The following TBC1D22B variants were observed in gnomAD, a reference collection of about 807,000 sequenced individuals.
TBC1D22B encodes chromosome 6 open reading frame 197.
A neutral mutation model predicts 69.1 loss-of-function variants in TBC1D22B; 32 were observed. That is an observed-to-expected ratio of 0.46 (90% CI 0.35 to 0.62). TBC1D22B has a LOEUF of 0.62. TBC1D22B is among the 20% of genes least tolerant of loss of function. The pLI, the probability that TBC1D22B is intolerant of heterozygous loss-of-function variation, is 0.00. For missense variants in TBC1D22B, 462 were observed against 630.9 expected, an observed-to-expected ratio of 0.73 and a Z score of 2.87; for synonymous variants, 206 against 229.8, an observed-to-expected ratio of 0.90 and a Z score of 0.94.
intron 8 of TBC1D22B, among the ~76,000 whole-genome samples, chr6:37,312,047 C>T (rs773365232): frequency 2.0e-5 from 3 of 152,240 alleles, no homozygotes; most frequent in Non-Finnish European, 4.4e-5. Flanking sequence ...CAGATTCTCA[C>T]TCCTGTTACT....
intron 8 of TBC1D22B, among the ~76,000 whole-genome samples, chr6:37,303,281 TCTC>T (rs767616270): frequency 3.9e-5 from 6 of 152,192 alleles, no homozygotes; most frequent in African/African-American, 7.2e-5. Context: ...GTTTGGCTCT[TCTC>T]CTTCCCTTAC....
At chr6:37,329,555 T>C (rs1266425986) in intron 12 of TBC1D22B, among the ~76,000 whole-genome samples, 2 of 152,230 alleles carry the variant, frequency 1.3e-5, no homozygotes, top group African/African-American at 4.8e-5. Context: ...TTGATAGATA[T>C]GGTATGTATT....
At chr6:37,287,390 A>G (rs1210496012) in intron 7 of TBC1D22B, among the ~76,000 whole-genome samples, 4 of 152,230 alleles carry the variant, frequency 2.6e-5, no homozygotes, top group African/African-American at 9.7e-5. Flanking sequence ...AAATTGTGGT[A>G]AAATATACAT....
intron 8 of TBC1D22B, among the ~76,000 whole-genome samples, chr6:37,304,630 G>A (rs1235367434): frequency 6.6e-6 from 1 of 152,090 alleles, no homozygotes; most frequent in African/African-American, 2.4e-5. Flanking sequence ...GGTGGGAGGT[G>A]GGCTGAGAAT....
intron 5 of TBC1D22B, among the ~76,000 whole-genome samples, chr6:37,283,628 C>G (rs947440463): frequency 8.5e-5 from 13 of 152,246 alleles, no homozygotes; most frequent in Non-Finnish European, 1.9e-4. Flanking sequence ...TCTACTCTTG[C>G]AACCATGCAA....
At chr6:37,301,356 C>T (rs1767566866) in intron 8 of TBC1D22B, among the ~76,000 whole-genome samples, 1 of 152,130 alleles carries the variant, frequency 6.6e-6, no homozygotes. Flanking sequence ...AACATTTTAT[C>T]ACCCCAGAAA....
At chr6:37,271,936 C>T (rs911494408) in intron 2 of TBC1D22B, among the ~76,000 whole-genome samples, 1 of 151,062 alleles carries the variant, frequency 6.6e-6, no homozygotes, top group African/African-American at 2.4e-5. Context: ...TTACTGTACC[C>T]ATAGCCTCTA....
chr6:37,291,170 A>G (rs1174459433), intron 7 of TBC1D22B, 73 bp from the exon 8 acceptor site: 1 of 1,043,124 alleles, frequency 9.6e-7, no homozygotes, highest in African/African-American at 1.6e-5. Flanking sequence ...TAAATTGTGA[A>G]GTAGGTAAAC....
intron 2 of TBC1D22B, among the ~76,000 whole-genome samples, chr6:37,273,370 A>C (rs1221160798): frequency 6.6e-6 from 1 of 152,200 alleles, no homozygotes; most frequent in Non-Finnish European, 1.5e-5. Flanking sequence ...ACACGTGGCT[A>C]ACCTATAAAG....
intron 8 of TBC1D22B, among the ~76,000 whole-genome samples, chr6:37,300,030 A>G (rs1163539683): frequency 1.3e-5 from 2 of 150,328 alleles, no homozygotes; most frequent in African/African-American, 4.9e-5. Context: ...AAAAAAGATT[A>G]CAAAAATACT....
chr6:37,310,342 AAG>A (rs890397266), intron 8 of TBC1D22B, among the ~76,000 whole-genome samples: 18 of 152,098 alleles, frequency 1.2e-4, no homozygotes, highest in African/African-American at 3.9e-4. Flanking sequence ...ATAGGAATAA[AAG>A]AAAAATGATA....
At chr6:37,278,766 CA>C (rs963276622) in intron 2 of TBC1D22B, among the ~76,000 whole-genome samples, 32 of 151,890 alleles carry the variant, frequency 2.1e-4, no homozygotes, top group Non-Finnish European at 3.8e-4. Flanking sequence ...CTTGTGTCTA[CA>C]AAAAATAATA....
intron 12 of TBC1D22B, among the ~76,000 whole-genome samples, chr6:37,319,840 A>G (rs1333759600): frequency 6.6e-6 from 1 of 152,208 alleles, no homozygotes; most frequent in African/African-American, 2.4e-5. Flanking sequence ...GGTGTGAGGA[A>G]CAAGGGCACA....
chr6:37,272,517 G>C (rs6911196), intron 2 of TBC1D22B, among the ~76,000 whole-genome samples: 131,011 of 151,964 alleles, frequency 0.86, 56,558 homozygotes, highest in South Asian at 0.92. Context: ...ACCCCACAGT[G>C]GCTGGGACTA....
intron 2 of TBC1D22B, among the ~76,000 whole-genome samples, chr6:37,274,772 G>A (rs1004669172): frequency 3.9e-5 from 6 of 152,028 alleles, no homozygotes; most frequent in Non-Finnish European, 8.8e-5. Flanking sequence ...TGGTTAGGGT[G>A]GGGCATGGTG....
intron 9 of TBC1D22B, 135 bp downstream of exon 9, chr6:37,313,159 C>T: frequency 1.4e-6 from 1 of 710,162 alleles, no homozygotes; most frequent in South Asian, 1.5e-5. Context: ...CCTTTTCATC[C>T]ATCTCTATCC....
chr6:37,264,574 G>C (rs1029584992), intron 1 of TBC1D22B, among the ~76,000 whole-genome samples: 1 of 152,176 alleles, frequency 6.6e-6, no homozygotes, highest in African/African-American at 2.4e-5. Flanking sequence ...GCCTCTCAAA[G>C]TGCAGGGATT....
intron 12 of TBC1D22B, among the ~76,000 whole-genome samples, chr6:37,318,286 G>T (rs1477350393): frequency 1.3e-5 from 2 of 152,222 alleles, no homozygotes; most frequent in South Asian, 4.1e-4. Flanking sequence ...TGAATTGGGT[G>T]TAGAGTACAA....
chr6:37,267,484 ATATATAATATATATACACTATATATAT>A (rs1766336869), intron 1 of TBC1D22B, among the ~76,000 whole-genome samples: 1 of 2,208 alleles, frequency 4.5e-4, no homozygotes, highest in Non-Finnish European at 9.0e-4. Flanking sequence ...TATATACACT[ATATATAATATATATACACTATATATAT>A]AATATATATA....
Sources: gnomAD v4.1 joint callset for allele counts (sites outside exome capture counted in the v4.1 genomes callset) on GRCh38, gnomAD v4.1.1 for gene constraint, MANE v1.5 for transcripts, NCBI Gene and HGNC (gene_info 2026-07-23, HGNC 2026-07-21) for gene names.